GPHN: variants seen among roughly 807,000 people sequenced by gnomAD.
GPHN encodes the protein gephyrin.
Under a neutral mutation model 95.5 loss-of-function variants are expected in GPHN, and 17 were observed. That is an observed-to-expected ratio of 0.18 (90% CI 0.12 to 0.27). The LOEUF is 0.27. Ranked by LOEUF, GPHN falls within the 10% of genes least tolerant of loss-of-function variation. The probability of loss-of-function intolerance (pLI) is 1.00; values close to 1 mark genes in which losing one functional copy is unlikely to be tolerated. For missense variants in GPHN, 660 were observed against 978.1 expected, an observed-to-expected ratio of 0.67 and a Z score of 4.34; for synonymous variants, 320 against 322.5, an observed-to-expected ratio of 0.99 and a Z score of 0.08.
the GPHN span, chr14:67,579,621 C>T: frequency 1.6e-5 from 19 of 1,198,952 alleles, no homozygotes; most frequent in South Asian, 1.6e-4. Context: ...TTGTATTTGC[C>T]CTTGCTCCTT....
At chr14:67,276,159 C>T in the GPHN span, among the ~76,000 whole-genome samples, 1 of 151,796 alleles carries the variant, frequency 6.6e-6, no homozygotes, top group East Asian at 2.0e-4. Flanking sequence ...TCATGTCATC[C>T]TCTGCTTAAA....
intron 18 of GPHN, among the ~76,000 whole-genome samples, chr14:67,158,916 C>T (rs565979328): frequency 6.6e-6 from 1 of 152,160 alleles, no homozygotes; most frequent in Non-Finnish European, 1.5e-5. Context: ...TCAAGTCTCT[C>T]TTCAAGGAAT....
At chr14:67,268,056 G>A in the GPHN span, among the ~76,000 whole-genome samples, 1 of 152,030 alleles carries the variant, frequency 6.6e-6, no homozygotes, top group African/African-American at 2.4e-5. Flanking sequence ...CTTTCTTTGT[G>A]ATTTTTACAG....
At chr14:66,571,763 A>G (rs10151875) in intron 1 of GPHN, among the ~76,000 whole-genome samples, 10,254 of 152,146 alleles carry the variant, frequency 0.067, 834 homozygotes, top group African/African-American at 0.19. Flanking sequence ...GTGAGCCGAG[A>G]TCGTGCCACT....
rs35376534 is a variant in GPHN at position 66,921,487 on chromosome 14, G to A, written c.457-1179G>A. Among the ~76,000 whole-genome samples the A allele has an allele frequency of 4.7e-5, 7 of 148,950 alleles. No individual in the cohort carries two copies. In the East Asian group the frequency reaches 1.4e-3, roughly 29 times the overall value. On this transcript the variant is annotated intron_variant, in intron 6 of 22. Transcript: ENST00000478722. The stretch of plus-strand genomic sequence containing the variant: ...TACTGATTTGTTTGAGTTCGTTGTA[G>A]ATTCTGGATATTAGCCCTTTGTCAG...
At chr14:66,860,326 T>G (rs373121776) in intron 4 of GPHN, among the ~76,000 whole-genome samples, 1 of 152,058 alleles carries the variant, frequency 6.6e-6, no homozygotes, top group Admixed American at 6.5e-5. Context: ...ATGACATATT[T>G]AAAGTGCTGA....
At chr14:66,948,747 A>T (rs574636007) in intron 8 of GPHN, among the ~76,000 whole-genome samples, 23 of 152,340 alleles carry the variant, frequency 1.5e-4, no homozygotes, top group Non-Finnish European at 2.9e-4. Context: ...CAAGGCATTT[A>T]TGCGTGACTT....
intron 2 of GPHN, among the ~76,000 whole-genome samples, chr14:66,770,796 CTT>C (rs955859717): frequency 9.2e-5 from 14 of 151,994 alleles, no homozygotes; most frequent in African/African-American, 2.4e-4. Context: ...AAAATAATAA[CTT>C]ATAGTATATT....
the GPHN span, chr14:67,301,506 G>T: frequency 1.4e-6 from 2 of 1,434,986 alleles, no homozygotes; most frequent in South Asian, 1.3e-5. Flanking sequence ...GGTTTTTCCA[G>T]CATTCTTCTA....
At chr14:67,094,953 TA>T (rs1488987000) in intron 12 of GPHN, among the ~76,000 whole-genome samples, 1 of 152,212 alleles carries the variant, frequency 6.6e-6, no homozygotes, top group Non-Finnish European at 1.5e-5. Flanking sequence ...AGCAATAGGC[TA>T]TACCATGTAG....
At chr14:66,813,501 T>A (rs2060842132) in intron 3 of GPHN, among the ~76,000 whole-genome samples, 1 of 152,186 alleles carries the variant, frequency 6.6e-6, no homozygotes, top group Admixed American at 6.5e-5. Flanking sequence ...TGAGTTGAAC[T>A]GGCAAGGAGC....
the GPHN span, among the ~76,000 whole-genome samples, chr14:67,206,679 G>C: frequency 6.6e-6 from 1 of 152,064 alleles, no homozygotes; most frequent in Admixed American, 6.6e-5. Context: ...AGTGAAATGT[G>C]CATAGAAGTA....
intron 3 of GPHN, among the ~76,000 whole-genome samples, chr14:66,796,025 T>C (rs1283056942): frequency 6.6e-6 from 1 of 152,152 alleles, no homozygotes; most frequent in Non-Finnish European, 1.5e-5. Context: ...CTTTTTACCC[T>C]CTAACTCCAT....
the GPHN span, among the ~76,000 whole-genome samples, chr14:67,255,807 C>G: frequency 6.6e-6 from 1 of 152,208 alleles, no homozygotes; most frequent in African/African-American, 2.4e-5. Context: ...TCTGCCTCAG[C>G]CTCCCTAGTA....
the GPHN span, among the ~76,000 whole-genome samples, chr14:67,319,657 GA>G: frequency 2.0e-5 from 3 of 150,472 alleles, no homozygotes; most frequent in African/African-American, 7.3e-5. Flanking sequence ...AGTGTTTTAA[GA>G]AAGTTTACAA....
At chr14:67,545,887 T>C in the GPHN span, among the ~76,000 whole-genome samples, 1 of 152,036 alleles carries the variant, frequency 6.6e-6, no homozygotes, top group African/African-American at 2.4e-5. Context: ...TCCGTGCTCA[T>C]GGATTTTATA....
At chr14:67,120,295 G>A (rs1243306161) in intron 16 of GPHN, among the ~76,000 whole-genome samples, 1 of 152,078 alleles carries the variant, frequency 6.6e-6, no homozygotes, top group African/African-American at 2.4e-5. Flanking sequence ...AAGATGACTG[G>A]AAGTATAACA....
At chr14:67,590,377 C>G in the GPHN span, among the ~76,000 whole-genome samples, 1 of 151,818 alleles carries the variant, frequency 6.6e-6, no homozygotes, top group Non-Finnish European at 1.5e-5. Flanking sequence ...TTCAGCCTCC[C>G]GAGTAGCTGG....
chr14:67,213,610 T>C, the GPHN span, among the ~76,000 whole-genome samples: 4 of 152,136 alleles, frequency 2.6e-5, no homozygotes, highest in Non-Finnish European at 4.4e-5. Context: ...TTGTGAATAG[T>C]GCCACAATAA....
Sources: gnomAD v4.1 joint callset for allele counts (sites outside exome capture counted in the v4.1 genomes callset) on GRCh38, gnomAD v4.1.1 for gene constraint, MANE v1.5 for transcripts, NCBI Gene and HGNC (gene_info 2026-07-23, HGNC 2026-07-21) for gene names.